The following PTPN4 variants were observed in gnomAD, a reference collection of about 807,000 sequenced individuals.
The protein encoded by PTPN4 is tyrosine-protein phosphatase non-receptor type 4.
In PTPN4, 49 loss-of-function variants were observed where a neutral mutation model predicts 135.5. That is an observed-to-expected ratio of 0.36 (90% CI 0.29 to 0.46). The LOEUF (loss-of-function observed/expected upper bound fraction) is 0.46, where lower values mean the gene tolerates loss of function less well. Ranked by LOEUF, PTPN4 falls within the 20% of genes least tolerant of loss-of-function variation. The probability of loss-of-function intolerance (pLI) is 1.00; values close to 1 mark genes in which losing one functional copy is unlikely to be tolerated. For missense variants in PTPN4, 860 were observed against 1,101.0 expected (o/e 0.78, Z 3.10); for synonymous variants, 333 against 369.9 (o/e 0.90, Z 1.14).
intron 13 of PTPN4, among the ~76,000 whole-genome samples, chr2:119,930,109 A>G (rs1678882445): frequency 1.3e-5 from 2 of 152,136 alleles, no homozygotes; most frequent in South Asian, 4.1e-4. Flanking sequence ...AATATGAGGG[A>G]GTTGAACTAA....
chr2:119,881,894 G>A (rs1678085552), intron 6 of PTPN4, 64 bp downstream of exon 6: 7 of 1,293,404 alleles, frequency 5.4e-6, no homozygotes, highest in East Asian at 4.7e-5. Flanking sequence ...TTTTAAATCT[G>A]TGTTAAGTAA....
In PTPN4 at chr2:119,900,744, T is replaced by C. The variant is rs750453917; in HGVS notation, c.702T>C (p.Ile234=). 1.9e-6 allele frequency: 3 copies of C among 1,582,476 alleles called. No individual in the cohort carries two copies. In the African/African-American group the frequency reaches 4.1e-5, roughly 21 times the overall value. ...ARDQSNNEIM[I]GVMSGGILIY... ...ATCAGAGTAACAATGAAATTATGAT[T>C]GGAGTGATGTCAGGAGGAATTCTGA... The change falls in exon 10 of 27, where the codon ATT becomes ATC. Residue 234 remains isoleucine (I), a synonymous_variant. Coordinates refer to ENST00000263708, the MANE Select transcript of PTPN4 (RefSeq NM_002830.4).
chr2:119,889,361 A>G (rs1011911979), intron 9 of PTPN4, among the ~76,000 whole-genome samples: 1 of 152,132 alleles, frequency 6.6e-6, no homozygotes, highest in African/African-American at 2.4e-5. Flanking sequence ...CGGAGCTTGC[A>G]GTGAGCCGAG....
At chr2:119,934,992 T>C in intron 15 of PTPN4, 34 bp downstream of exon 15, 1 of 1,562,060 alleles carries the variant, frequency 6.4e-7, no homozygotes, top group Non-Finnish European at 8.7e-7. Context: ...CCTCTGTATT[T>C]TCAAATGCCC....
chr2:119,976,596 T>C (rs1679621423), intron 26 of PTPN4, among the ~76,000 whole-genome samples: 3 of 152,194 alleles, frequency 2.0e-5, no homozygotes, highest in African/African-American at 7.2e-5. Flanking sequence ...TATAAATAAT[T>C]AGGCAATGAA....
At chr2:119,845,968 A>G (rs912796986) in intron 2 of PTPN4, among the ~76,000 whole-genome samples, 14 of 152,148 alleles carry the variant, frequency 9.2e-5, no homozygotes, top group African/African-American at 1.2e-4. Flanking sequence ...TGAGTGTGCT[A>G]TTTAATATCG....
intron 2 of PTPN4, among the ~76,000 whole-genome samples, chr2:119,835,593 A>G (rs908655329): frequency 3.3e-5 from 5 of 152,290 alleles, no homozygotes; most frequent in Middle Eastern, 3.4e-3. Context: ...TATATTCTCT[A>G]TAAGGATCTG....
At chr2:119,927,444 A>G (rs981759449) in intron 13 of PTPN4, among the ~76,000 whole-genome samples, 4 of 152,168 alleles carry the variant, frequency 2.6e-5, no homozygotes, top group Non-Finnish European at 5.9e-5. Context: ...GTGAAATGAC[A>G]TGATAAGATC....
chr2:119,928,933 T>C lies in PTPN4; in HGVS notation c.1070+2267T>C, dbSNP rs72839001. Among the ~76,000 whole-genome samples, 1,328 of 152,260 alleles carry C rather than the reference T, an allele frequency of 8.7e-3. 14 individuals carry two copies. Among genetic ancestry groups the C allele is most frequent in the South Asian group, 0.016 (77 of 4,828 alleles). ...TGTTAATGTTTTCATGTTTTGATCC[T>C]ATCAGATTTTAGAAATAAGCAGAGT... On this transcript the variant is annotated intron_variant, in intron 13 of 26. Coordinates refer to ENST00000263708, the MANE Select transcript of PTPN4 (RefSeq NM_002830.4).
intron 3 of PTPN4, among the ~76,000 whole-genome samples, chr2:119,867,500 C>T (rs1677849974): frequency 6.6e-6 from 1 of 152,086 alleles, no homozygotes; most frequent in South Asian, 2.1e-4. Flanking sequence ...ATAGAAAAAA[C>T]ATGCAAATAG....
At chr2:119,940,689 T>A (rs530770161) in intron 15 of PTPN4, among the ~76,000 whole-genome samples, 1 of 152,246 alleles carries the variant, frequency 6.6e-6, no homozygotes, top group South Asian at 2.1e-4. Context: ...AAATAAGAGT[T>A]TTTTAAAGAG....
intron 9 of PTPN4, among the ~76,000 whole-genome samples, chr2:119,891,036 G>C (rs568141301): frequency 2.6e-4 from 40 of 152,128 alleles, no homozygotes; most frequent in Non-Finnish European, 4.7e-4. Flanking sequence ...TTTCACTTTA[G>C]ACAGTCTGAT....
chr2:119,765,080 T>C (rs77641993), intron 1 of PTPN4, among the ~76,000 whole-genome samples: 1 of 152,146 alleles, frequency 6.6e-6, no homozygotes, highest in Admixed American at 6.6e-5. Context: ...TCAAAAGCCT[T>C]GGGCAAAGTG....
chr2:119,941,711 C>A (rs879486377), intron 15 of PTPN4, among the ~76,000 whole-genome samples: 81 of 152,194 alleles, frequency 5.3e-4, no homozygotes, highest in Non-Finnish European at 9.7e-4. Flanking sequence ...TCATCTTAAT[C>A]TATACTTCAT....
rs1040309313 is a variant in PTPN4 at position 119,983,065 on chromosome 2, A to C, written c.*5995A>C. 1 of 152,156 alleles carries C rather than the reference A, an allele frequency of 6.6e-6. No homozygotes were observed. The highest frequency in any genetic ancestry group is 2.4e-5 in the African/African-American group (1 of 41,432). 9.4% of individuals were successfully genotyped at this position (152,156 alleles called of 1,614,324 possible). A position where few individuals can be genotyped will look rare whatever the true frequency, so the allele number is the denominator to read the frequency against. On this transcript the variant is annotated 3_prime_UTR_variant, in exon 27 of 27. Coordinates refer to ENST00000263708, the MANE Select transcript of PTPN4 (RefSeq NM_002830.4). Reference sequence around the variant, plus strand: ...TTTTATTTCTCTTTCCACGTCTCCAACTTTTTAAAAATCACTAATTTAACT... The same window carrying C: ...TTTTATTTCTCTTTCCACGTCTCCACCTTTTTAAAAATCACTAATTTAACT...
At chr2:119,822,695 TTTG>T (rs1384058125) in intron 2 of PTPN4, among the ~76,000 whole-genome samples, 1 of 152,180 alleles carries the variant, frequency 6.6e-6, no homozygotes, top group East Asian at 1.9e-4. Flanking sequence ...CTTCTCTCCT[TTTG>T]TTGTTCTTGT....
intron 1 of PTPN4, among the ~76,000 whole-genome samples, chr2:119,766,439 CAT>C (rs1491453345): frequency 3.0e-5 from 3 of 100,500 alleles, no homozygotes; most frequent in East Asian, 3.4e-4. Context: ...GGTGTATGCG[CAT>C]GTGCGCGCGT....
At chr2:119,860,799 G>A (rs1476500091) in intron 2 of PTPN4, among the ~76,000 whole-genome samples, 1 of 152,134 alleles carries the variant, frequency 6.6e-6, no homozygotes, top group Admixed American at 6.5e-5. Context: ...CCAGCACTTT[G>A]GGAGGCTGAG....
Position 119,926,580 on chromosome 2 carries a change from CATATTTAT to C in PTPN4, c.1002-11_1002-4del, listed in dbSNP as rs776958192. 1 of 1,533,820 alleles carries C rather than the reference CATATTTAT, an allele frequency of 6.5e-7. No individual in the cohort carries two copies. Among genetic ancestry groups the C allele is most frequent in the Non-Finnish European group, 8.9e-7 (1 of 1,121,804 alleles). On this transcript the variant is annotated splice_polypyrimidine_tract_variant and intron_variant, in intron 12 of 26. Coordinates refer to ENST00000263708, the MANE Select transcript of PTPN4 (RefSeq NM_002830.4). ...GTTCTCTTAAGACTTTATTGTTGTG[CATATTTAT>C]ATATTTCAGTGGGAGAACTGAAGTC...
Sources: allele counts gnomAD v4.1 joint callset (sites outside exome capture counted in the v4.1 genomes callset), GRCh38; gene constraint gnomAD v4.1.1; transcripts MANE v1.5; gene names NCBI Gene and HGNC (gene_info 2026-07-23, HGNC 2026-07-21).